Variants in ARPP21 observed in about 807,000 individuals in gnomAD.
ARPP21 encodes the protein cAMP-regulated phosphoprotein 21.
Under a neutral mutation model 113.2 loss-of-function variants are expected in ARPP21, and 69 were observed. The observed-to-expected ratio is 0.61, with a 90% CI of 0.50 to 0.74. The LOEUF (loss-of-function observed/expected upper bound fraction) is 0.74, where lower values mean the gene tolerates loss of function less well. ARPP21 is among the 30% of genes least tolerant of loss of function. The pLI is 0.00. For synonymous variants in ARPP21, 368 were observed against 375.5 expected, an observed-to-expected ratio of 0.98 and a Z score of 0.23; for missense variants, 1,070 against 1,037.4, an observed-to-expected ratio of 1.03 and a Z score of -0.43.
At chr3:35,746,092 G>A (rs2095030419) in intron 19 of ARPP21, among the ~76,000 whole-genome samples, 1 of 152,178 alleles carries the variant, frequency 6.6e-6, no homozygotes, top group African/African-American at 2.4e-5. Context: ...CAGAAATGAT[G>A]GCATTAGTAT....
chr3:35,641,173 AC>A, intron 1 of ARPP21: 1 of 152,324 alleles, frequency 6.6e-6, no homozygotes, highest in African/African-American at 2.4e-5. Context: ...TGTTTAGAGT[AC>A]AGATATTCAT....
intron 5 of ARPP21, chr3:35,685,383 T>C: frequency 1.0e-6 from 1 of 985,238 alleles, no homozygotes; most frequent in South Asian, 4.7e-5. Context: ...TGAGGAGTGG[T>C]GGGAGCAGGG....
intron 19 of ARPP21, among the ~76,000 whole-genome samples, chr3:35,763,794 C>A (rs2095861215): frequency 6.6e-6 from 1 of 152,196 alleles, no homozygotes; most frequent in Admixed American, 6.6e-5. Context: ...TTTTCATCAC[C>A]TTTGAGTATT....
chr3:35,742,262 T>C (rs1318955256), intron 18 of ARPP21, among the ~76,000 whole-genome samples: 1 of 152,208 alleles, frequency 6.6e-6, no homozygotes, highest in Non-Finnish European at 1.5e-5. Context: ...CATGTAAATA[T>C]AAATGCTGAC....
chr3:35,681,779 G>C lies in ARPP21; in HGVS notation c.28G>C (p.Ala10Pro). The change falls in exon 3 of 21, where the codon GCA becomes CCA. Residue 10 changes from alanine to proline, a missense_variant. Physicochemically the swap from Ala to Pro is conservative, Grantham distance 27 (BLOSUM62 -1). Transcript: ENST00000684406. MSEQGDLNQ[A>P]IAEEGGTEQE... ...GTCTGAGCAAGGAGACCTGAATCAG[G>C]CAATAGCAGAGGAAGGAGGGACTGA... 1 of 1,611,410 alleles carries C rather than the reference G, an allele frequency of 6.2e-7. No individual in the cohort carries two copies. Among genetic ancestry groups the C allele is most frequent in the Non-Finnish European group, 8.5e-7 (1 of 1,178,236 alleles).
intron 15 of ARPP21, among the ~76,000 whole-genome samples, chr3:35,730,322 C>T (rs1165531577): frequency 2.0e-5 from 3 of 152,180 alleles, no homozygotes; most frequent in Non-Finnish European, 2.9e-5. Flanking sequence ...CTTCTCAACC[C>T]GGGGCATTTT....
At chr3:35,669,591 T>G (rs1332028524) in intron 1 of ARPP21, among the ~76,000 whole-genome samples, 3 of 152,184 alleles carry the variant, frequency 2.0e-5, no homozygotes, top group African/African-American at 7.2e-5. Flanking sequence ...ATTTCAGGGA[T>G]CAGATTGTTC....
intron 15 of ARPP21, among the ~76,000 whole-genome samples, chr3:35,731,544 T>A (rs2150527327): frequency 6.6e-6 from 1 of 152,352 alleles, no homozygotes; most frequent in African/African-American, 2.4e-5. Context: ...TTTCTTCTTT[T>A]CTAGAATATA....
intron 1 of ARPP21, among the ~76,000 whole-genome samples, chr3:35,667,841 A>AAGAAGAAGAAGAAGAAGAAGAAG (rs1559547262): frequency 1.3e-4 from 11 of 81,538 alleles, no homozygotes; most frequent in African/African-American, 6.0e-4. Context: ...TTTTATTCTC[A>AAGAAGAAGAAGAAGAAGAAGAAG]AAGAAGAAGA....
chr3:35,784,558 A>C (rs548031409), intron 19 of ARPP21, among the ~76,000 whole-genome samples: 1 of 152,194 alleles, frequency 6.6e-6, no homozygotes, highest in African/African-American at 2.4e-5. Flanking sequence ...TTCATATCCT[A>C]AATAACTCTC....
chr3:35,659,835 G>A (rs1706849587), intron 1 of ARPP21, among the ~76,000 whole-genome samples: 1 of 152,298 alleles, frequency 6.6e-6, no homozygotes, highest in East Asian at 1.9e-4. Flanking sequence ...TGATGGAGGG[G>A]CTTCCTGTTT....
At chr3:35,731,197 G>A (rs1331365675) in intron 15 of ARPP21, among the ~76,000 whole-genome samples, 1 of 152,092 alleles carries the variant, frequency 6.6e-6, no homozygotes, top group Non-Finnish European at 1.5e-5. Flanking sequence ...GTATTTTTAG[G>A]GTACAATGCA....
intron 19 of ARPP21, among the ~76,000 whole-genome samples, chr3:35,750,192 G>A (rs139308542): frequency 2.7e-3 from 325 of 122,446 alleles, no homozygotes; most frequent in Non-Finnish European, 3.7e-3. Context: ...CTTTTTTAAT[G>A]TAAATATTTA....
chr3:35,678,499 T>C (rs1462750691), intron 1 of ARPP21, among the ~76,000 whole-genome samples: 1 of 151,970 alleles, frequency 6.6e-6, no homozygotes, highest in Non-Finnish European at 1.5e-5. Flanking sequence ...TACTATTGAT[T>C]AGCAATCCAC....
At chr3:35,764,581 T>C (rs1303976911) in intron 19 of ARPP21, among the ~76,000 whole-genome samples, 1 of 152,166 alleles carries the variant, frequency 6.6e-6, no homozygotes, top group Non-Finnish European at 1.5e-5. Flanking sequence ...ATTCCGGGAT[T>C]GACCACAGAA....
At chr3:35,663,019 G>T (rs928685941) in intron 1 of ARPP21, among the ~76,000 whole-genome samples, 1 of 151,978 alleles carries the variant, frequency 6.6e-6, no homozygotes, top group African/African-American at 2.4e-5. Flanking sequence ...ACAGAGTAGG[G>T]TGACTATATT....
chr3:35,646,927 C>T (rs183146926), intron 1 of ARPP21, among the ~76,000 whole-genome samples: 26 of 152,184 alleles, frequency 1.7e-4, no homozygotes, highest in Admixed American at 1.6e-3. Flanking sequence ...TTTTCACTCC[C>T]GTGTCATTTA....
At chr3:35,750,696 C>T (rs529903623) in intron 19 of ARPP21, among the ~76,000 whole-genome samples, 1 of 152,216 alleles carries the variant, frequency 6.6e-6, no homozygotes, top group East Asian at 1.9e-4. Context: ...TTCTAAAGCC[C>T]TGGAATGAAT....
chr3:35,648,116 T>C (rs529564209), intron 1 of ARPP21, among the ~76,000 whole-genome samples: 11 of 152,304 alleles, frequency 7.2e-5, no homozygotes, highest in African/African-American at 2.4e-4. Context: ...CTTGACTCTT[T>C]CTGTGCTATG....
Sources: gnomAD v4.1 joint callset for allele counts (sites outside exome capture counted in the v4.1 genomes callset) on GRCh38, gnomAD v4.1.1 for gene constraint, MANE v1.5 for transcripts, NCBI Gene and HGNC (gene_info 2026-07-23, HGNC 2026-07-21) for gene names.